Variants in SLC26A4 observed in about 807,000 individuals in gnomAD.
The protein encoded by SLC26A4 is solute carrier family 26 member 4.
SLC26A4 carries 93 observed loss-of-function variants against 90.4 expected under a neutral mutation model. That is an observed-to-expected ratio of 1.03 (90% CI 0.87 to 1.22). SLC26A4 has a LOEUF of 1.22. Ranked by LOEUF, SLC26A4 falls within the 50% of genes most tolerant of loss-of-function variation. SLC26A4 has a pLI of 0.00. For missense variants in SLC26A4, 1,127 were observed against 946.2 expected, an observed-to-expected ratio of 1.19 and a Z score of -2.51; for synonymous variants, 393 against 354.6, an observed-to-expected ratio of 1.11 and a Z score of -1.22.
In SLC26A4 at chr7:107,715,411, T is replaced by C. The variant is rs1443520791; in HGVS notation, c.2320-12T>C. ...GTTGTATCAACACTTTGTTTTCCCC[T>C]TGCTTCCACAGGCTATGCGTACACT... On this transcript the variant is annotated splice_polypyrimidine_tract_variant and intron_variant, in intron 20 of 20. Coordinates refer to ENST00000644269, the MANE Select transcript of SLC26A4 (RefSeq NM_000441.2). 1.2e-6 allele frequency: 2 copies of C among 1,611,996 alleles called. No individual in the cohort carries two copies. The highest frequency in any genetic ancestry group is 4.5e-5 in the East Asian group (2 of 44,874).
chr7:107,680,693 A>G (rs1482409996), intron 6 of SLC26A4, among the ~76,000 whole-genome samples: 1 of 151,870 alleles, frequency 6.6e-6, no homozygotes, highest in African/African-American at 2.4e-5. Context: ...TGGTTTTTGA[A>G]CCTCGTGTTA....
At chr7:107,677,587 TCA>T (rs1407409765) in intron 6 of SLC26A4, among the ~76,000 whole-genome samples, 2 of 151,842 alleles carry the variant, frequency 1.3e-5, no homozygotes, top group Non-Finnish European at 2.9e-5. Context: ...TGTCAAATCC[TCA>T]GTTTTCTATT....
intron 17 of SLC26A4, 117 bp downstream of exon 17, chr7:107,702,174 T>A: frequency 2.7e-6 from 2 of 742,906 alleles, no homozygotes; most frequent in South Asian, 3.0e-5. Flanking sequence ...TCTAGGTGAA[T>A]GCTTTTGTAA....
chr7:107,704,939 T>G (rs1374347060), intron 18 of SLC26A4, among the ~76,000 whole-genome samples: 1 of 152,196 alleles, frequency 6.6e-6, no homozygotes, highest in Non-Finnish European at 1.5e-5. Context: ...TCTGTTGTCG[T>G]CTAGTGCGGG....
chr7:107,683,397 G>C (rs1411216490), intron 7 of SLC26A4, 43 bp downstream of exon 7: 2 of 1,609,948 alleles, frequency 1.2e-6, no homozygotes, highest in Non-Finnish European at 8.5e-7. Context: ...TTATTTGGTT[G>C]ACAAACAAGG....
intron 6 of SLC26A4, 53 bp downstream of exon 6, chr7:107,675,162 T>C: frequency 1.3e-6 from 2 of 1,562,104 alleles, no homozygotes; most frequent in East Asian, 2.2e-5. Flanking sequence ...CCAGAAACAA[T>C]TGTATTCATT....
At chr7:107,672,408 A>G (rs983862301) in intron 4 of SLC26A4, among the ~76,000 whole-genome samples, 160 bp downstream of exon 4, 1 of 150,404 alleles carries the variant, frequency 6.6e-6, no homozygotes, top group African/African-American at 2.4e-5. Flanking sequence ...CACCAACCTA[A>G]TATATCTGTG....
At chr7:107,665,354 G>A (rs148915374) in intron 3 of SLC26A4, among the ~76,000 whole-genome samples, 4 of 152,172 alleles carry the variant, frequency 2.6e-5, no homozygotes, top group Non-Finnish European at 4.4e-5. Context: ...GCCTGATCAA[G>A]CATGTTCTTA....
intron 17 of SLC26A4, among the ~76,000 whole-genome samples, chr7:107,703,859 A>G (rs961618322): frequency 1.3e-5 from 2 of 152,246 alleles, no homozygotes; most frequent in African/African-American, 2.4e-5. Context: ...AATAATATTT[A>G]GATCCTATAT....
intron 3 of SLC26A4, among the ~76,000 whole-genome samples, chr7:107,667,851 A>G (rs1790760396): frequency 6.6e-6 from 1 of 152,174 alleles, no homozygotes; most frequent in Admixed American, 6.5e-5. Flanking sequence ...GCAGATGCAG[A>G]CGGGTTTGAA....
Position 107,663,331 on chromosome 7 carries a change from C to A in SLC26A4, c.200C>A (p.Thr67Asn). ...SRKRAFGVLKTLVPILEWLPK... is the reference protein window; with the variant it reads ...SRKRAFGVLKNLVPILEWLPK... ...AAGAGAGCCTTTGGTGTGCTAAAGA[C>A]TCTTGTGCCCATCTTGGAGTGGCTC... Residue 67 changes from threonine (T) to asparagine (N), a missense_variant, in exon 3 of 21, where the codon ACT becomes AAT. By Grantham distance (65) the Thr-to-Asn change is moderately conservative. Coordinates refer to ENST00000644269, the MANE Select transcript of SLC26A4 (RefSeq NM_000441.2). 1 of 1,614,176 alleles carries A rather than the reference C, an allele frequency of 6.2e-7. No homozygotes were observed. Among genetic ancestry groups the A allele is most frequent in the Non-Finnish European group, 8.5e-7 (1 of 1,180,026 alleles).
intron 18 of SLC26A4, among the ~76,000 whole-genome samples, chr7:107,707,453 T>G (rs1252191964): frequency 6.6e-6 from 1 of 152,224 alleles, no homozygotes; most frequent in Non-Finnish European, 1.5e-5. Context: ...AGAATTATAA[T>G]GGCTTACAAA....
rs764210710 is a variant in SLC26A4, at chr7:107,696,140, TAG to T, written c.1544+102_1544+103del. 5 of 791,172 alleles carry T rather than the reference TAG, an allele frequency of 6.3e-6. No individual in the cohort carries two copies. In the East Asian group the frequency reaches 1.2e-4, roughly 19 times the overall value. 49.0% of individuals were successfully genotyped at this position (791,172 alleles called of 1,614,324 possible). On this transcript the variant is annotated intron_variant, in intron 13 of 20. Coordinates refer to ENST00000644269, the MANE Select transcript of SLC26A4 (RefSeq NM_000441.2). The stretch of plus-strand genomic sequence containing the variant: ...ATAGTGAAGCCACTTTCTTTCGTTA[TAG>T]TTACTGTATATTGAGTGCTTCTATG...
intron 20 of SLC26A4, among the ~76,000 whole-genome samples, chr7:107,714,472 T>C (rs1057053965): frequency 1.3e-4 from 20 of 152,202 alleles, no homozygotes; most frequent in African/African-American, 4.8e-4. Flanking sequence ...ACCAGCTTAG[T>C]GAGCCCAGGA....
intron 6 of SLC26A4, among the ~76,000 whole-genome samples, chr7:107,676,404 AT>A (rs1243673440): frequency 5.9e-5 from 9 of 152,238 alleles, no homozygotes; most frequent in Non-Finnish European, 1.3e-4. Flanking sequence ...AAAATGCATA[AT>A]GTAAATGTCT....
In SLC26A4 at chr7:107,672,145, A is replaced by T; in HGVS notation, c.312A>T (p.Ala104=). The change falls in exon 4 of 21, where the codon GCA becomes GCT. Residue 104 remains alanine, a synonymous_variant. Coordinates refer to ENST00000644269, the MANE Select transcript of SLC26A4 (RefSeq NM_000441.2). ...CTTTGCATGTGCTTTCAGGGATGGC[A>T]TATGCCCTACTAGCTGCAGTTCCTG... ...TGLVATLQGM[A]YALLAAVPVG... 6.2e-7 allele frequency: 1 copy of T among 1,606,042 alleles called. No individual in the cohort carries two copies. Among genetic ancestry groups the T allele is most frequent in the Non-Finnish European group, 8.5e-7 (1 of 1,172,718 alleles).
In SLC26A4 at chr7:107,715,530, A is replaced by T. The variant is rs1191473048; in HGVS notation, c.*84A>T. On this transcript the variant is annotated 3_prime_UTR_variant, in exon 21 of 21. Transcript: ENST00000644269. Reference sequence around the variant, plus strand: ...TTGACTATTTCTTCAGACTCAAAACACTCATTCTTTTTTCTATTAAGCCAT... The same window carrying T: ...TTGACTATTTCTTCAGACTCAAAACTCTCATTCTTTTTTCTATTAAGCCAT... 2 of 1,004,260 alleles carry T rather than the reference A, an allele frequency of 2.0e-6. No individual in the cohort carries two copies. The highest frequency in any genetic ancestry group is 1.7e-5 in the Admixed American group (1 of 59,236). 62.2% of individuals were successfully genotyped at this position (1,004,260 alleles called of 1,614,324 possible).
At position 107,674,215 on chromosome 7, in the gene SLC26A4, C is replaced by T. The variant is rs1317791253; in HGVS notation, c.467C>T (p.Ala156Val). Residue 156 changes from alanine to valine, a missense_variant, in exon 5 of 21, where the codon GCC becomes GTC. Transcript: ENST00000644269. ...GTGGGATCTGTTGTTCTGAGCATGG[C>T]CCCCGACGAACACTTTCTCGTATCC... ...LMVGSVVLSM[A>V]PDEHFLVSSS... is the part of the protein sequence containing the mutation. 2 of 1,614,020 alleles carry T rather than the reference C, an allele frequency of 1.2e-6. No homozygotes were observed. Among genetic ancestry groups the T allele is most frequent in the Admixed American group, 1.7e-5 (1 of 60,002 alleles).
chr7:107,686,405 T>TC (rs1554357992), intron 8 of SLC26A4, among the ~76,000 whole-genome samples: 89 of 82,570 alleles, frequency 1.1e-3, no homozygotes, highest in African/African-American at 3.4e-3. Context: ...TCTCTCTCTT[T>TC]TTTCTTTCTT....
Sources: gnomAD v4.1 joint callset for allele counts (sites outside exome capture counted in the v4.1 genomes callset) on GRCh38, gnomAD v4.1.1 for gene constraint, MANE v1.5 for transcripts, NCBI Gene and HGNC (gene_info 2026-07-23, HGNC 2026-07-21) for gene names.